OR1J2: variants seen among roughly 807,000 people sequenced by gnomAD.
OR1J2 encodes olfactory receptor 1J2.
For missense variants in OR1J2, 304 were observed against 246.1 expected, an observed-to-expected ratio of 1.24 and a Z score of -1.57; for synonymous variants, 142 against 99.7, an observed-to-expected ratio of 1.42 and a Z score of -2.52.
At chr9:122,468,802 G>A in the OR1J2 span, among the ~76,000 whole-genome samples, 1 of 152,170 alleles carries the variant, frequency 6.6e-6, no homozygotes, top group African/African-American at 2.4e-5. Context: ...GCATTTTTCT[G>A]CTAGCGGACT....
the OR1J2 span, among the ~76,000 whole-genome samples, chr9:122,464,178 A>G: frequency 1.3e-5 from 2 of 151,992 alleles, no homozygotes. Flanking sequence ...CAGGGGAATT[A>G]TGGTTGCTTC....
At chr9:122,502,275 C>G in the OR1J2 span, among the ~76,000 whole-genome samples, 1 of 152,156 alleles carries the variant, frequency 6.6e-6, no homozygotes, top group Non-Finnish European at 1.5e-5. Context: ...ATTACAGATT[C>G]TTGCAGATGG....
chr9:122,546,889 G>A, the OR1J2 span, among the ~76,000 whole-genome samples: 1 of 152,014 alleles, frequency 6.6e-6, no homozygotes, highest in Non-Finnish European at 1.5e-5. Context: ...TACATATATA[G>A]TGATCAGATC....
At chr9:122,478,239 A>G in the OR1J2 span, among the ~76,000 whole-genome samples, 2 of 152,252 alleles carry the variant, frequency 1.3e-5, no homozygotes, top group African/African-American at 4.8e-5. Context: ...AGCCTTCAAT[A>G]TATGAGCTGG....
chr9:122,527,339 A>G, the OR1J2 span: 1 of 1,223,844 alleles, frequency 8.2e-7, no homozygotes, highest in African/African-American at 1.5e-5. Context: ...AGAATGCTAG[A>G]TTTCATCTAC....
chr9:122,546,597 TA>T, the OR1J2 span, among the ~76,000 whole-genome samples: 2 of 152,228 alleles, frequency 1.3e-5, no homozygotes, highest in East Asian at 3.9e-4. Flanking sequence ...GGCTATTTGT[TA>T]AAAAAATTAA....
the OR1J2 span, among the ~76,000 whole-genome samples, chr9:122,498,383 T>G: frequency 6.6e-6 from 1 of 152,232 alleles, no homozygotes; most frequent in African/African-American, 2.4e-5. Flanking sequence ...AAAAACCTGA[T>G]CTTCAAGCTC....
the OR1J2 span, among the ~76,000 whole-genome samples, chr9:122,525,451 CT>C: frequency 6.6e-6 from 1 of 152,130 alleles, no homozygotes; most frequent in South Asian, 2.1e-4. Flanking sequence ...CTATATAGCC[CT>C]TATATTTAAA....
chr9:122,492,934 G>A, the OR1J2 span, among the ~76,000 whole-genome samples: 1 of 152,094 alleles, frequency 6.6e-6, no homozygotes, highest in Non-Finnish European at 1.5e-5. Flanking sequence ...GCTGGATTTT[G>A]TCAAATGCTT....
the OR1J2 span, among the ~76,000 whole-genome samples, chr9:122,459,411 T>C: frequency 1.3e-5 from 2 of 152,222 alleles, no homozygotes; most frequent in African/African-American, 4.8e-5. Context: ...TCTATAGAAT[T>C]GCAATAATTC....
chr9:122,573,940 T>C, the OR1J2 span, among the ~76,000 whole-genome samples: 9 of 152,336 alleles, frequency 5.9e-5, no homozygotes, highest in African/African-American at 1.7e-4. Context: ...TATTTTTCTT[T>C]TTGGTATGTG....
At chr9:122,527,323 A>T in the OR1J2 span, 1 of 1,429,314 alleles carries the variant, frequency 7.0e-7, no homozygotes, top group South Asian at 1.3e-5. Context: ...CTGAGGGAAG[A>T]CAGTTAGAAT....
At chr9:122,544,124 A>G in the OR1J2 span, among the ~76,000 whole-genome samples, 1 of 152,140 alleles carries the variant, frequency 6.6e-6, no homozygotes, top group Non-Finnish European at 1.5e-5. Context: ...TAGCTCATAA[A>G]TATATAAAGT....
At chr9:122,450,762 C>T in the OR1J2 span, among the ~76,000 whole-genome samples, 1 of 152,166 alleles carries the variant, frequency 6.6e-6, no homozygotes, top group South Asian at 2.1e-4. Context: ...ATTCCCCCAT[C>T]CCCCTCCTCT....
chr9:122,456,432 G>A, the OR1J2 span, among the ~76,000 whole-genome samples: 1 of 152,038 alleles, frequency 6.6e-6, no homozygotes, highest in Non-Finnish European at 1.5e-5. Context: ...GCCAAGACAG[G>A]GGAACAGTTT....
Position 122,511,463 on chromosome 9 carries a change from T to C in OR1J2, c.662T>C (p.Ile221Thr), listed in dbSNP as rs113191711. The part of the protein sequence containing the change: ...FMCILVSYGY[I>T]GATILRVPST... ...TGTATCCTGGTATCATATGGCTACA[T>C]TGGGGCCACCATCCTGAGGGTCCCT... is the stretch of plus-strand genomic sequence containing the variant. The change falls in exon 1 of 1, where the codon ATT becomes ACT. Residue 221 changes from isoleucine (I) to threonine (T), a missense_variant. Coordinates refer to ENST00000335302, the MANE Select transcript of OR1J2 (RefSeq NM_054107.1). The C allele has an allele frequency of 4.4e-4, 341 of 780,342 alleles. 1 individual carries two copies. The African/African-American group carries it at 4.4e-3, about 10-fold the overall frequency. 48.3% of individuals were successfully genotyped at this position (780,342 alleles called of 1,614,324 possible). A position where few individuals can be genotyped will look rare whatever the true frequency, so the allele number is the denominator to read the frequency against.
chr9:122,527,239 G>C, the OR1J2 span: 1 of 1,613,780 alleles, frequency 6.2e-7, no homozygotes, highest in East Asian at 2.2e-5. Context: ...TGTTGCTCTG[G>C]AGGCGCTGAT....
the OR1J2 span, among the ~76,000 whole-genome samples, chr9:122,552,749 AGTGTGTGTGTGTGT>A: frequency 5.9e-4 from 77 of 129,756 alleles, no homozygotes; most frequent in South Asian, 2.3e-3. Context: ...AGAGGGCTTG[AGTGTGTGTGTGTGT>A]GTGTGTGTGT....
chr9:122,448,010 G>A, the OR1J2 span, among the ~76,000 whole-genome samples: 2 of 152,156 alleles, frequency 1.3e-5, no homozygotes, highest in Admixed American at 6.5e-5. Context: ...AAGACACAGA[G>A]ACAAAGTATA....
Sources: allele counts gnomAD v4.1 joint callset (sites outside exome capture counted in the v4.1 genomes callset), GRCh38; gene constraint gnomAD v4.1.1; transcripts MANE v1.5; gene names NCBI Gene and HGNC (gene_info 2026-07-23, HGNC 2026-07-21).